TEAD1: variants seen among roughly 807,000 people sequenced by gnomAD.
The protein encoded by TEAD1 is TEA domain transcription factor 1.
A neutral mutation model predicts 54.9 loss-of-function variants in TEAD1; 9 were observed. The observed-to-expected ratio is 0.16, with a 90% confidence interval of 0.10 to 0.29. The LOEUF (loss-of-function observed/expected upper bound fraction) is 0.29. Ranked by LOEUF, TEAD1 falls within the 10% of genes least tolerant of loss-of-function variation. The probability of loss-of-function intolerance (pLI) is 1.00; values close to 1 mark genes in which losing one functional copy is unlikely to be tolerated. For synonymous variants in TEAD1, 200 were observed against 187.8 expected, an observed-to-expected ratio of 1.07 and a Z score of -0.53; for missense variants, 387 against 535.9, an observed-to-expected ratio of 0.72 and a Z score of 2.74.
intron 5 of TEAD1, among the ~76,000 whole-genome samples, chr11:12,873,088 AGG>A (rs2134084699): frequency 6.6e-6 from 1 of 152,362 alleles, no homozygotes; most frequent in African/African-American, 2.4e-5. Flanking sequence ...GTACTGGTCC[AGG>A]ATGAGGTTCA....
At chr11:12,784,955 G>C (rs1202184633) in intron 3 of TEAD1, among the ~76,000 whole-genome samples, 1 of 152,232 alleles carries the variant, frequency 6.6e-6, no homozygotes, top group Non-Finnish European at 1.5e-5. Flanking sequence ...ATCTGCTCCA[G>C]CTTGCTCTCT....
intron 2 of TEAD1, among the ~76,000 whole-genome samples, chr11:12,736,673 G>A (rs2133886616): frequency 6.6e-6 from 1 of 152,284 alleles, no homozygotes; most frequent in Admixed American, 6.5e-5. Flanking sequence ...GCCTTATGGA[G>A]TGCAGTAGGC....
intron 2 of TEAD1, among the ~76,000 whole-genome samples, chr11:12,756,822 A>G (rs1776559076): frequency 6.6e-6 from 1 of 152,152 alleles, no homozygotes; most frequent in Non-Finnish European, 1.5e-5. Context: ...CTAAAGGGGG[A>G]AGTGCAGCGA....
intron 2 of TEAD1, among the ~76,000 whole-genome samples, chr11:12,744,157 C>G (rs918000884): frequency 2.0e-5 from 3 of 152,184 alleles, no homozygotes; most frequent in African/African-American, 2.4e-5. Flanking sequence ...GAATTTAGGG[C>G]TATTTAGAAA....
At chr11:12,854,744 A>G (rs1589927210) in intron 3 of TEAD1, among the ~76,000 whole-genome samples, 1 of 147,290 alleles carries the variant, frequency 6.8e-6, no homozygotes, top group East Asian at 2.0e-4. Flanking sequence ...GGCAGGTGCT[A>G]CCAAGCCTGG....
At chr11:12,892,617 C>T (rs1459292339) in intron 9 of TEAD1, among the ~76,000 whole-genome samples, 1 of 152,152 alleles carries the variant, frequency 6.6e-6, no homozygotes, top group Non-Finnish European at 1.5e-5. Flanking sequence ...GCTCTCCAGC[C>T]TGGGCAACAG....
intron 2 of TEAD1, among the ~76,000 whole-genome samples, chr11:12,743,466 G>A (rs749750229): frequency 6.6e-6 from 1 of 152,028 alleles, no homozygotes; most frequent in Admixed American, 6.5e-5. Context: ...TTTATCCTTG[G>A]GGAACCAATA....
intron 3 of TEAD1, among the ~76,000 whole-genome samples, chr11:12,785,563 TC>T (rs369977862): frequency 1.9e-3 from 287 of 152,328 alleles, no homozygotes; most frequent in African/African-American, 6.5e-3. Flanking sequence ...GGATATATAA[TC>T]TTCCTTCCTG....
intron 3 of TEAD1, among the ~76,000 whole-genome samples, chr11:12,778,318 A>G (rs1028388114): frequency 6.6e-6 from 1 of 152,158 alleles, no homozygotes; most frequent in Non-Finnish European, 1.5e-5. Flanking sequence ...TTTTGGTTCC[A>G]GGTAAACAAT....
chr11:12,826,686 T>A (rs1946663753), intron 3 of TEAD1, among the ~76,000 whole-genome samples: 1 of 152,196 alleles, frequency 6.6e-6, no homozygotes, highest in Non-Finnish European at 1.5e-5. Flanking sequence ...GATAAGAAAA[T>A]TCCTTTTCTC....
chr11:12,783,346 C>G (rs1260065937), intron 3 of TEAD1, among the ~76,000 whole-genome samples: 1 of 152,054 alleles, frequency 6.6e-6, no homozygotes, highest in Non-Finnish European at 1.5e-5. Context: ...CCCTCATGCT[C>G]TGGAAGTTAG....
intron 3 of TEAD1, among the ~76,000 whole-genome samples, chr11:12,788,463 C>G (rs974076479): frequency 6.6e-6 from 1 of 152,120 alleles, no homozygotes. Context: ...ATATCTTTGA[C>G]AAGCCTTTTG....
intron 2 of TEAD1, among the ~76,000 whole-genome samples, chr11:12,687,996 G>A (rs1590052790): frequency 6.6e-6 from 1 of 152,214 alleles, no homozygotes; most frequent in Non-Finnish European, 1.5e-5. Context: ...TTTTGCTTTG[G>A]AATGTGCTGT....
intron 3 of TEAD1, among the ~76,000 whole-genome samples, chr11:12,857,345 G>A (rs868097823): frequency 1.1e-4 from 17 of 152,198 alleles, no homozygotes; most frequent in South Asian, 2.1e-4. Context: ...CAGCATCTGA[G>A]GCTTAAAGAG....
At chr11:12,864,643 T>TTTTGTTTTGTTTTG in intron 4 of TEAD1, 195 bp from the exon 5 acceptor site, 1 of 1,352,028 alleles carries the variant, frequency 7.4e-7, no homozygotes, top group Non-Finnish European at 9.7e-7. Flanking sequence ...TTTTGTTTTG[T>TTTTGTTTTGTTTTG]TTTGTTTTGT....
chr11:12,783,098 T>TTGTGTGTGTGTGTGTG (rs34564715), intron 3 of TEAD1, among the ~76,000 whole-genome samples: 25 of 139,274 alleles, frequency 1.8e-4, no homozygotes, highest in African/African-American at 5.4e-4. Context: ...AGGTAAGGGT[T>TTGTGTGTGTGTGTGTG]TGTGTGTGTG....
At chr11:12,827,735 G>A (rs909915011) in intron 3 of TEAD1, among the ~76,000 whole-genome samples, 1 of 152,192 alleles carries the variant, frequency 6.6e-6, no homozygotes, top group African/African-American at 2.4e-5. Flanking sequence ...ACATTTGCAG[G>A]AGGAAGTGAG....
chr11:12,844,778 C>A (rs1947106108), intron 3 of TEAD1, among the ~76,000 whole-genome samples: 1 of 151,874 alleles, frequency 6.6e-6, no homozygotes, highest in Non-Finnish European at 1.5e-5. Flanking sequence ...AGGGCTTACC[C>A]AACGATTGAT....
chr11:12,829,446 T>TTAGTGTCAACTGAGACTAATGCAGAA (rs1946726981), intron 3 of TEAD1, among the ~76,000 whole-genome samples: 1 of 152,184 alleles, frequency 6.6e-6, no homozygotes, highest in South Asian at 2.1e-4. Flanking sequence ...TCCTGACCAG[T>TTAGTGTCAACTGAGACTAATGCAGAA]TAGTGTCAAC....
Sources: gnomAD v4.1 joint callset for allele counts (sites outside exome capture counted in the v4.1 genomes callset) on GRCh38, gnomAD v4.1.1 for gene constraint, MANE v1.5 for transcripts, NCBI Gene and HGNC (gene_info 2026-07-23, HGNC 2026-07-21) for gene names.